Variants in KCTD5 observed in about 807,000 individuals in gnomAD.
KCTD5 encodes the protein potassium channel tetramerization domain containing 5.
In KCTD5, 12 loss-of-function variants were observed where a neutral mutation model predicts 27.9. That is an observed-to-expected ratio of 0.43 (90% CI 0.28 to 0.70). KCTD5 has a LOEUF of 0.70. Among genes scored for constraint, KCTD5 ranks in the 30% least tolerant of loss-of-function variants. The pLI is 0.19. For synonymous variants in KCTD5, 147 were observed against 121.4 expected (o/e 1.21, Z -1.39); for missense variants, 226 against 274.8 (o/e 0.82, Z 1.26).
At chr16:2,685,174 C>T (rs1596219081) in intron 1 of KCTD5, among the ~76,000 whole-genome samples, 1 of 152,170 alleles carries the variant, frequency 6.6e-6, no homozygotes, top group Non-Finnish European at 1.5e-5. Flanking sequence ...GCCTGTAATC[C>T]CAGCACTTTG....
At chr16:2,691,359 G>T (rs533937717) in intron 1 of KCTD5, among the ~76,000 whole-genome samples, 1 of 152,226 alleles carries the variant, frequency 6.6e-6, no homozygotes, top group African/African-American at 2.4e-5. Context: ...AGAAACGGCC[G>T]GAGAGCTGTG....
intron 2 of KCTD5, among the ~76,000 whole-genome samples, 199 bp from the exon 3 acceptor site, chr16:2,697,707 C>G (rs1007162493): frequency 6.6e-6 from 1 of 152,246 alleles, no homozygotes; most frequent in African/African-American, 2.4e-5. Context: ...ACCACGGCCC[C>G]TCCGCCCATT....
intron 3 of KCTD5, chr16:2,699,374 T>A (rs2067601276): frequency 2.7e-6 from 1 of 365,114 alleles, no homozygotes; most frequent in Admixed American, 3.5e-5. Flanking sequence ...GAGGCCCAAG[T>A]CCAGGCTGCC....
At chr16:2,705,558 C>T (rs2067631930) in intron 5 of KCTD5, among the ~76,000 whole-genome samples, 1 of 152,154 alleles carries the variant, frequency 6.6e-6, no homozygotes, top group Non-Finnish European at 1.5e-5. Flanking sequence ...GGGTCAGGAC[C>T]AGTGCGGCAG....
intron 5 of KCTD5, among the ~76,000 whole-genome samples, chr16:2,705,270 C>T (rs370596936): frequency 3.9e-5 from 6 of 152,282 alleles, no homozygotes; most frequent in Admixed American, 2.6e-4. Flanking sequence ...TCTGTCCCTG[C>T]CTGTAGTTGA....
chr16:2,691,420 C>G (rs1395414160), intron 1 of KCTD5, among the ~76,000 whole-genome samples: 3 of 152,252 alleles, frequency 2.0e-5, no homozygotes, highest in South Asian at 2.1e-4. Context: ...AGGGTTCAGC[C>G]TACTGCTCGC....
intron 1 of KCTD5, among the ~76,000 whole-genome samples, chr16:2,690,768 CAG>C (rs1296047842): frequency 1.3e-5 from 2 of 152,264 alleles, no homozygotes; most frequent in African/African-American, 4.8e-5. Flanking sequence ...ACGGGCAGCA[CAG>C]GGGCCCTGCC....
chr16:2,707,258 T>C (rs1357187012), intron 5 of KCTD5, 40 bp from the exon 6 acceptor site: 2 of 1,607,322 alleles, frequency 1.2e-6, no homozygotes, highest in Non-Finnish European at 1.7e-6. Flanking sequence ...GGACACCTCC[T>C]CAGCCCAAGT....
intron 1 of KCTD5, among the ~76,000 whole-genome samples, chr16:2,693,763 G>T (rs892048630): frequency 6.6e-6 from 1 of 152,118 alleles, no homozygotes; most frequent in Non-Finnish European, 1.5e-5. Flanking sequence ...ACGGCTCAGT[G>T]CCCAGGTCCT....
chr16:2,700,191 T>C (rs732055), intron 4 of KCTD5, among the ~76,000 whole-genome samples: 72,614 of 152,058 alleles, frequency 0.48, 17,958 homozygotes, highest in Middle Eastern at 0.54. Context: ...CTTCGCATCA[T>C]CTGGCACCTC....
At chr16:2,683,354 A>G (rs2067526986) in intron 1 of KCTD5, 1 of 152,388 alleles carries the variant, frequency 6.6e-6, no homozygotes, top group African/African-American at 2.4e-5. Flanking sequence ...CCCACTCAGC[A>G]CCTCTTAGAA....
chr16:2,698,249 A>C (rs937989411), intron 3 of KCTD5, among the ~76,000 whole-genome samples: 17 of 152,194 alleles, frequency 1.1e-4, no homozygotes, highest in Non-Finnish European at 2.5e-4. Flanking sequence ...GCTCTGAGGA[A>C]GTTGGGCACG....
In KCTD5 at chr16:2,698,040, G is replaced by T. The variant is rs529061920; in HGVS notation, c.453+43G>T. ...GGCTGGAAGCTTGTATGGCTGGTGT[G>T]AAGGAAGGGCTCCCCTTTACTCCCC... On this transcript the variant is annotated intron_variant, in intron 3 of 5. Coordinates refer to ENST00000301738, the MANE Select transcript of KCTD5 (RefSeq NM_018992.4). 7.3e-4 allele frequency: 1,050 copies of T among 1,437,412 alleles called. 19 individuals are homozygous for T. The South Asian group carries it at 0.012, about 16-fold the overall frequency. 89.0% of individuals were successfully genotyped at this position (1,437,412 alleles called of 1,614,324 possible).
intron 5 of KCTD5, among the ~76,000 whole-genome samples, chr16:2,705,632 G>A (rs773466526): frequency 1.3e-5 from 2 of 152,172 alleles, no homozygotes; most frequent in African/African-American, 4.8e-5. Context: ...AGCCTCCCAG[G>A]CCAGCCGTGT....
At chr16:2,706,405 A>G (rs1451228227) in intron 5 of KCTD5, among the ~76,000 whole-genome samples, 1 of 152,024 alleles carries the variant, frequency 6.6e-6, no homozygotes, top group African/African-American at 2.4e-5. Context: ...ACACATGGAG[A>G]CAGCTGTTGT....
intron 5 of KCTD5, among the ~76,000 whole-genome samples, chr16:2,702,747 C>T (rs2067618137): frequency 6.6e-6 from 1 of 152,188 alleles, no homozygotes; most frequent in Non-Finnish European, 1.5e-5. Context: ...TTAGGAATGC[C>T]ACTGAGGGCT....
chr16:2,693,239 T>C (rs1346636989), intron 1 of KCTD5, among the ~76,000 whole-genome samples: 1 of 152,140 alleles, frequency 6.6e-6, no homozygotes, highest in Admixed American at 6.5e-5. Context: ...TGGGCTATGG[T>C]GTGGGGAGTG....
chr16:2,688,737 C>T (rs2067553850), intron 1 of KCTD5, among the ~76,000 whole-genome samples: 1 of 93,476 alleles, frequency 1.1e-5, no homozygotes, highest in Non-Finnish European at 2.1e-5. Context: ...CTCTGGCTGA[C>T]CCTAGCAGCA....
chr16:2,699,399 G>A (rs1022574115), intron 3 of KCTD5: 1 of 358,494 alleles, frequency 2.8e-6, no homozygotes, highest in Non-Finnish European at 5.5e-6. Flanking sequence ...AAGTTCAAGA[G>A]CCTTTTTCTG....
Sources: allele counts gnomAD v4.1 joint callset (sites outside exome capture counted in the v4.1 genomes callset), GRCh38; gene constraint gnomAD v4.1.1; transcripts MANE v1.5; gene names NCBI Gene and HGNC (gene_info 2026-07-23, HGNC 2026-07-21).